The following BIK variants were observed in gnomAD, a reference collection of about 807,000 sequenced individuals.
BIK encodes BCL2 interacting killer, also known as bcl-2-interacting killer.
In BIK, 14 loss-of-function variants were observed where a neutral mutation model predicts 12.1. The observed-to-expected ratio is 1.16, with a 90% CI of 0.77 to 1.81. The LOEUF is 1.81. Among genes scored for constraint, BIK ranks in the 40% most tolerant of loss-of-function variants. BIK has a pLI of 0.00. For missense variants in BIK, 215 were observed against 207.9 expected, an observed-to-expected ratio of 1.03 and a Z score of -0.21; for synonymous variants, 86 against 92.3, an observed-to-expected ratio of 0.93 and a Z score of 0.39.
intron 1 of BIK, among the ~76,000 whole-genome samples, chr22:43,120,679 C>T (rs1264127718): frequency 3.3e-5 from 5 of 152,156 alleles, no homozygotes; most frequent in African/African-American, 9.7e-5. Flanking sequence ...AGCAGGAGGT[C>T]GCTGCTGCAA....
intron 2 of BIK, 68 bp from the exon 3 acceptor site, chr22:43,127,628 TG>T: frequency 7.2e-7 from 1 of 1,388,368 alleles, no homozygotes. Context: ...ATCCGTTGGC[TG>T]GGTGGGTCCA....
At chr22:43,127,029 G>A (rs916857832) in intron 2 of BIK, among the ~76,000 whole-genome samples, 1 of 152,152 alleles carries the variant, frequency 6.6e-6, no homozygotes, top group Non-Finnish European at 1.5e-5. Flanking sequence ...CACTGGGATG[G>A]AATGCACACA....
At chr22:43,111,053 C>G (rs574667339) in intron 1 of BIK, among the ~76,000 whole-genome samples, 2 of 152,010 alleles carry the variant, frequency 1.3e-5, no homozygotes, top group African/African-American at 4.8e-5. Flanking sequence ...GCCTCAGTCT[C>G]CGCGCCTGTG....
In BIK at chr22:43,111,348, A is replaced by C. The variant is rs1930007135; in HGVS notation, c.-8+545A>C. Among the ~76,000 whole-genome samples, 4 of 152,176 alleles carry C rather than the reference A, an allele frequency of 2.6e-5. No individual in the cohort carries two copies. The South Asian group carries it at 8.3e-4, about 31-fold the overall frequency. ...AGGCTTCGTAACGGGACGCCCAGAA[A>C]GTCCGGAACAGGAACGTGCACACGG... On this transcript the variant is annotated intron_variant, in intron 1 of 4. Coordinates refer to ENST00000216115, the MANE Select transcript of BIK (RefSeq NM_001197.5).
At chr22:43,128,714 ACTCC>A (rs1930374279) in intron 4 of BIK, 89 bp downstream of exon 4, 2 of 1,473,164 alleles carry the variant, frequency 1.4e-6, no homozygotes, top group Non-Finnish European at 1.8e-6. Flanking sequence ...AGTCCCCACC[ACTCC>A]GTATCATCAT....
chr22:43,114,798 G>C (rs977338797), intron 1 of BIK, among the ~76,000 whole-genome samples: 3 of 152,238 alleles, frequency 2.0e-5, no homozygotes, highest in African/African-American at 7.2e-5. Flanking sequence ...CAGGCTCACA[G>C]AATGAGAGCT....
At chr22:43,124,827 G>A (rs1332294779) in intron 2 of BIK, among the ~76,000 whole-genome samples, 1 of 152,220 alleles carries the variant, frequency 6.6e-6, no homozygotes, top group Admixed American at 6.5e-5. Flanking sequence ...AGGAGGCAGA[G>A]GTTGCAGTGA....
intron 2 of BIK, among the ~76,000 whole-genome samples, chr22:43,126,359 G>A (rs1446310820): frequency 6.6e-6 from 1 of 151,972 alleles, no homozygotes; most frequent in Non-Finnish European, 1.5e-5. Context: ...CTAATTTTTT[G>A]TATTTTCAGT....
intron 3 of BIK, among the ~76,000 whole-genome samples, chr22:43,128,071 T>C (rs962328126): frequency 5.3e-5 from 8 of 151,914 alleles, no homozygotes; most frequent in Admixed American, 1.3e-4. Flanking sequence ...TGAGCCCAGA[T>C]GGTACATTTC....
intron 1 of BIK, among the ~76,000 whole-genome samples, chr22:43,123,581 G>A (rs1049062672): frequency 4.6e-5 from 7 of 151,986 alleles, no homozygotes; most frequent in African/African-American, 9.7e-5. Flanking sequence ...TGAAACCCCC[G>A]TCTTTACTAA....
intron 1 of BIK, among the ~76,000 whole-genome samples, chr22:43,118,311 C>T (rs1930157034): frequency 2.0e-5 from 3 of 152,342 alleles, no homozygotes; most frequent in African/African-American, 7.2e-5. Context: ...CTGGTCTCCT[C>T]TCTTCTAAGG....
At chr22:43,117,662 G>T (rs1930142847) in intron 1 of BIK, among the ~76,000 whole-genome samples, 1 of 151,216 alleles carries the variant, frequency 6.6e-6, no homozygotes, top group African/African-American at 2.4e-5. Context: ...GAGCCACCGC[G>T]CCCGGCCCAT....
At chr22:43,129,095 C>T (rs1395015007) in intron 4 of BIK, 118 bp from the exon 5 acceptor site, 9 of 1,556,232 alleles carry the variant, frequency 5.8e-6, no homozygotes, top group Admixed American at 1.7e-5. Flanking sequence ...CTCTGGTCCC[C>T]TCGAGCTCCT....
intron 1 of BIK, among the ~76,000 whole-genome samples, chr22:43,123,475 G>A (rs1288426498): frequency 2.0e-5 from 3 of 152,180 alleles, no homozygotes; most frequent in East Asian, 1.9e-4. Flanking sequence ...AAGGCTGGGC[G>A]TGGTGGCTCA....
At chr22:43,112,814 A>G (rs1250280199) in intron 1 of BIK, among the ~76,000 whole-genome samples, 1 of 152,096 alleles carries the variant, frequency 6.6e-6, no homozygotes, top group African/African-American at 2.4e-5. Flanking sequence ...CTGAGTTCAG[A>G]GGCCTACCTG....
chr22:43,122,804 C>G (rs1487625583), intron 1 of BIK, among the ~76,000 whole-genome samples: 1 of 152,152 alleles, frequency 6.6e-6, no homozygotes, highest in Non-Finnish European at 1.5e-5. Context: ...CCTGGCCGCT[C>G]TCTGCCTCCC....
At chr22:43,117,525 C>A (rs531271081) in intron 1 of BIK, among the ~76,000 whole-genome samples, 5 of 142,372 alleles carry the variant, frequency 3.5e-5, no homozygotes, top group Non-Finnish European at 6.3e-5. Context: ...CCCGCCACCA[C>A]GCCCAGCTAA....
chr22:43,129,250 TGCTGGCGCTGCTGCTGCC>T lies in BIK; in HGVS notation c.433_450del (p.Ala145_Leu150del), dbSNP rs768065717. 38 of 1,591,318 alleles carry T rather than the reference TGCTGGCGCTGCTGCTGCC, an allele frequency of 2.4e-5. No individual in the cohort carries two copies. Among genetic ancestry groups the T allele is most frequent in the East Asian group, 1.8e-4 (8 of 44,804 alleles). On this transcript the variant is annotated inframe_deletion, in exon 5 of 5. Coordinates refer to ENST00000216115, the MANE Select transcript of BIK (RefSeq NM_001197.5). ...CAGGTGCTGCTGGCGCTGCTGCTGC[TGCTGGCGCTGCTGCTGCC>T]GCTGCTCAGCGGGGGCCTGCACCTG...
intron 2 of BIK, among the ~76,000 whole-genome samples, chr22:43,126,692 G>A (rs1930322689): frequency 6.6e-6 from 1 of 152,076 alleles, no homozygotes; most frequent in South Asian, 2.1e-4. Context: ...ATTCTTTTCT[G>A]CTCAGGATTT....
Sources: gnomAD v4.1 joint callset for allele counts (sites outside exome capture counted in the v4.1 genomes callset) on GRCh38, gnomAD v4.1.1 for gene constraint, MANE v1.5 for transcripts, NCBI Gene and HGNC (gene_info 2026-07-23, HGNC 2026-07-21) for gene names.